The following TMEM163 variants were observed in gnomAD, a reference collection of about 807,000 sequenced individuals.
TMEM163 encodes the protein transmembrane protein 163.
A neutral mutation model predicts 29.3 loss-of-function variants in TMEM163; 17 were observed. The observed-to-expected ratio is 0.58, with a 90% CI of 0.40 to 0.87. The LOEUF is 0.87. Ranked by LOEUF, TMEM163 falls within the 40% of genes least tolerant of loss-of-function variation. The pLI is 0.00. For missense variants in TMEM163, 303 were observed against 381.5 expected, an observed-to-expected ratio of 0.79 and a Z score of 1.71; for synonymous variants, 157 against 160.6, an observed-to-expected ratio of 0.98 and a Z score of 0.17.
intron 2 of TMEM163, among the ~76,000 whole-genome samples, chr2:134,641,293 A>T (rs761636671): frequency 2.6e-5 from 4 of 152,224 alleles, no homozygotes; most frequent in Non-Finnish European, 5.9e-5. Context: ...GACTGTAAGA[A>T]AAAATGGACT....
chr2:134,632,607 G>A (rs961066629), intron 2 of TMEM163, among the ~76,000 whole-genome samples: 4 of 152,194 alleles, frequency 2.6e-5, no homozygotes, highest in Non-Finnish European at 5.9e-5. Context: ...TGCTTCACAG[G>A]TGCCACCTTG....
intron 1 of TMEM163, among the ~76,000 whole-genome samples, chr2:134,716,623 G>A (rs533540113): frequency 1.1e-3 from 174 of 152,282 alleles, no homozygotes; most frequent in African/African-American, 3.9e-3. Context: ...GCAGGCAAGT[G>A]CTGGGGCTTC....
At chr2:134,698,220 T>C (rs968641183) in intron 2 of TMEM163, among the ~76,000 whole-genome samples, 10 of 152,204 alleles carry the variant, frequency 6.6e-5, no homozygotes, top group Admixed American at 5.2e-4. Context: ...CATTGCTGGA[T>C]GTCTCCAGGG....
intron 2 of TMEM163, among the ~76,000 whole-genome samples, chr2:134,553,460 T>TAGA (rs1680976041): frequency 6.6e-6 from 1 of 152,182 alleles, no homozygotes; most frequent in South Asian, 2.1e-4. Context: ...TCTATGTGGT[T>TAGA]AGAACAGCAA....
Position 134,607,060 on chromosome 2 carries a change from G to A in TMEM163, c.323-54969C>T, listed in dbSNP as rs1407598916. On this transcript the variant is annotated intron_variant, in intron 2 of 7. Transcript: ENST00000281924. ...GAAAAGGACAGACCCCGAGAACTGT[G>A]CTGGTGAAAAGGAGGACAGACCCCG... Among the ~76,000 whole-genome samples, 79 of 105,280 alleles carry A rather than the reference G, an allele frequency of 7.5e-4. 1 individual carries two copies. Among genetic ancestry groups the A allele is most frequent in the African/African-American group, 2.9e-3 (72 of 24,790 alleles). The allele number at this position is 105,280 out of a possible 152,430, so 69.1% of individuals were successfully genotyped here.
chr2:134,471,168 C>T (rs890957880), intron 5 of TMEM163, among the ~76,000 whole-genome samples: 3 of 152,104 alleles, frequency 2.0e-5, no homozygotes, highest in African/African-American at 7.2e-5. Context: ...TGAGACTCTA[C>T]CTAATAAAAC....
chr2:134,666,850 C>T (rs1181215265), intron 2 of TMEM163, among the ~76,000 whole-genome samples: 2 of 152,290 alleles, frequency 1.3e-5, no homozygotes, highest in Admixed American at 6.5e-5. Context: ...GTAGAGCAGG[C>T]GTTCGATAAA....
At chr2:134,665,888 C>T (rs908277879) in intron 2 of TMEM163, among the ~76,000 whole-genome samples, 1 of 152,174 alleles carries the variant, frequency 6.6e-6, no homozygotes, top group Non-Finnish European at 1.5e-5. Context: ...GGCAAGCTCT[C>T]ACCAAACGTC....
chr2:134,523,695 T>C (rs1194311050), intron 4 of TMEM163, among the ~76,000 whole-genome samples: 1 of 152,116 alleles, frequency 6.6e-6, no homozygotes, highest in Non-Finnish European at 1.5e-5. Context: ...AGACAAGTGG[T>C]TTTTCTCCTA....
chr2:134,707,490 T>G (rs2104896907), intron 2 of TMEM163, among the ~76,000 whole-genome samples: 1 of 152,266 alleles, frequency 6.6e-6, no homozygotes, highest in Admixed American at 6.5e-5. Context: ...CTTTTTTCAG[T>G]AAAATAAATA....
chr2:134,545,819 C>G (rs568907657), intron 4 of TMEM163, among the ~76,000 whole-genome samples: 116 of 152,276 alleles, frequency 7.6e-4, no homozygotes, highest in Non-Finnish European at 1.5e-3. Context: ...ATTAGTACCC[C>G]ACGCCAACAA....
chr2:134,477,592 GT>G (rs1455470807), intron 5 of TMEM163, among the ~76,000 whole-genome samples: 1 of 152,350 alleles, frequency 6.6e-6, no homozygotes, highest in Admixed American at 6.5e-5. Context: ...AGGCTGAAGT[GT>G]TTTACAAGAA....
intron 4 of TMEM163, 118 bp from the exon 5 acceptor site, chr2:134,503,115 A>AC: frequency 1.0e-6 from 1 of 995,100 alleles, no homozygotes; most frequent in East Asian, 2.6e-5. Flanking sequence ...AATTTGCCAC[A>AC]CCCCCAGGGT....
chr2:134,681,188 C>G (rs1030515156), intron 2 of TMEM163, among the ~76,000 whole-genome samples: 1 of 152,192 alleles, frequency 6.6e-6, no homozygotes, highest in African/African-American at 2.4e-5. Context: ...ACACAGCCAC[C>G]CAGCAGTGCA....
chr2:134,540,881 T>C (rs1574221226), intron 4 of TMEM163, among the ~76,000 whole-genome samples: 1 of 152,214 alleles, frequency 6.6e-6, no homozygotes, highest in African/African-American at 2.4e-5. Flanking sequence ...TGCAATTCTT[T>C]ATGAGCACCT....
At chr2:134,655,550 T>C (rs1683582228) in intron 2 of TMEM163, among the ~76,000 whole-genome samples, 1 of 141,370 alleles carries the variant, frequency 7.1e-6, no homozygotes, top group Admixed American at 6.9e-5. Flanking sequence ...TCTCAGCTTG[T>C]CAAAGTCATT....
intron 5 of TMEM163, among the ~76,000 whole-genome samples, chr2:134,490,548 C>A (rs1370147405): frequency 1.3e-5 from 2 of 152,206 alleles, no homozygotes; most frequent in African/African-American, 4.8e-5. Flanking sequence ...TCAACTCCCA[C>A]AAGGGCCTGG....
At chr2:134,538,621 CCA>C (rs950145974) in intron 4 of TMEM163, among the ~76,000 whole-genome samples, 3 of 101,570 alleles carry the variant, frequency 3.0e-5, no homozygotes, top group Non-Finnish European at 4.2e-5. Context: ...GAACATGATG[CCA>C]CAATAGAAAT....
chr2:134,674,121 GAA>G, intron 2 of TMEM163, among the ~76,000 whole-genome samples: 1 of 152,164 alleles, frequency 6.6e-6, no homozygotes, highest in African/African-American at 2.4e-5. Context: ...TCATTTATGT[GAA>G]CAAACACATA....
Sources: gnomAD v4.1 joint callset for allele counts (sites outside exome capture counted in the v4.1 genomes callset) on GRCh38, gnomAD v4.1.1 for gene constraint, MANE v1.5 for transcripts, NCBI Gene and HGNC (gene_info 2026-07-23, HGNC 2026-07-21) for gene names.